The following HMCN1 variants were observed in gnomAD, a reference collection of about 807,000 sequenced individuals.
HMCN1 encodes the protein hemicentin 1.
HMCN1 carries 321 observed loss-of-function variants against 625.9 expected under a neutral mutation model. The ratio of observed to expected loss-of-function variants is 0.51; its 90% CI spans 0.47 to 0.56. The LOEUF is 0.56. Among genes scored for constraint, HMCN1 ranks in the 20% least tolerant of loss-of-function variants. The probability of loss-of-function intolerance (pLI) is 0.00; values close to 1 mark genes in which losing one functional copy is unlikely to be tolerated. For synonymous variants in HMCN1, 2,425 were observed against 2,417.6 expected (o/e 1.00, Z -0.09); for missense variants, 6,588 against 6,887.3 (o/e 0.96, Z 1.54).
chr1:185,974,844 A>G (rs1317487003), intron 15 of HMCN1, among the ~76,000 whole-genome samples: 1 of 152,142 alleles, frequency 6.6e-6, no homozygotes, highest in Non-Finnish European at 1.5e-5. Flanking sequence ...CTGCTTTACA[A>G]TGGATGACTT....
At chr1:185,875,514 G>A (rs78655010) in intron 4 of HMCN1, among the ~76,000 whole-genome samples, 3 of 152,112 alleles carry the variant, frequency 2.0e-5, no homozygotes, top group East Asian at 1.9e-4. Flanking sequence ...TTAAGTACAG[G>A]CCTTCTGTTC....
At chr1:185,949,590 C>T (rs1367115341) in intron 11 of HMCN1, among the ~76,000 whole-genome samples, 1 of 151,870 alleles carries the variant, frequency 6.6e-6, no homozygotes, top group African/African-American at 2.4e-5. Context: ...GCCTGAAAAA[C>T]TGCTTGGCTG....
At chr1:186,166,127 C>T (rs755631197) in intron 98 of HMCN1, 57 bp from the exon 99 acceptor site, 372 of 1,602,892 alleles carry the variant, frequency 2.3e-4, no homozygotes, top group African/African-American at 8.2e-4. Context: ...GCTTTAATAA[C>T]TCCCAGAAAG....
chr1:186,144,326 A>G lies in HMCN1; in HGVS notation c.14078A>G (p.Asn4693Ser), dbSNP rs566841466. ...DGAETQMQVC[N>S]ERNCPIHGKW... The stretch of plus-strand genomic sequence containing the variant: ...GCAGAAACACAGATGCAAGTTTGCA[A>G]TGAAAGAAATTGTCCAAGTAAGAGA... The change falls in exon 90 of 107, where the codon AAT (asparagine) becomes AGT (serine). Residue 4693 changes from asparagine (N) to serine (S), a missense_variant. Transcript: ENST00000271588. The G allele has an allele frequency of 2.8e-5, 45 of 1,613,686 alleles. No individual in the cohort carries two copies. In the South Asian group the frequency reaches 4.5e-4, roughly 16 times the overall value.
chr1:186,110,944 A>G (rs545886676), intron 71 of HMCN1, among the ~76,000 whole-genome samples: 36 of 147,506 alleles, frequency 2.4e-4, no homozygotes, highest in African/African-American at 8.5e-4. Flanking sequence ...GAAGAATTAT[A>G]GGTGGTCTAC....
chr1:185,975,743 T>C (rs1000711725), intron 15 of HMCN1, among the ~76,000 whole-genome samples: 3 of 152,196 alleles, frequency 2.0e-5, no homozygotes, highest in Non-Finnish European at 4.4e-5. Flanking sequence ...ATACACGATT[T>C]ATTTATAAAA....
intron 1 of HMCN1, among the ~76,000 whole-genome samples, chr1:185,799,836 C>T (rs552877033): frequency 7.9e-5 from 12 of 152,242 alleles, no homozygotes; most frequent in African/African-American, 2.9e-4. Context: ...CCTTTATTAA[C>T]CAGAAATACT....
At chr1:186,122,845 G>T (rs536361302) in intron 80 of HMCN1, 106 bp from the exon 81 acceptor site, 7 of 1,201,640 alleles carry the variant, frequency 5.8e-6, no homozygotes, top group Non-Finnish European at 7.2e-6. Context: ...GTGAAGTCAG[G>T]ATTTTGTTTC....
At chr1:185,978,821 C>T (rs1651410666) in intron 16 of HMCN1, among the ~76,000 whole-genome samples, 1 of 152,238 alleles carries the variant, frequency 6.6e-6, no homozygotes, top group African/African-American at 2.4e-5. Flanking sequence ...GCTGGGATTA[C>T]AGGTGTGAAC....
intron 35 of HMCN1, among the ~76,000 whole-genome samples, chr1:186,020,702 T>C (rs1354096326): frequency 2.0e-5 from 3 of 151,970 alleles, no homozygotes; most frequent in Non-Finnish European, 2.9e-5. Context: ...CTGATTAGAG[T>C]TCAGAAGACT....
chr1:186,104,225 T>A (rs898661759), intron 69 of HMCN1, among the ~76,000 whole-genome samples: 14 of 152,188 alleles, frequency 9.2e-5, no homozygotes, highest in African/African-American at 2.9e-4. Flanking sequence ...GCAAACCTTA[T>A]GTTACAATTA....
At chr1:186,032,553 C>T (rs1339482638) in intron 36 of HMCN1, among the ~76,000 whole-genome samples, 2 of 152,098 alleles carry the variant, frequency 1.3e-5, no homozygotes, top group African/African-American at 4.8e-5. Context: ...TTGCTCTGCA[C>T]TGCTCCTTGC....
intron 82 of HMCN1, among the ~76,000 whole-genome samples, chr1:186,126,185 A>T (rs1024171125): frequency 4.7e-4 from 72 of 152,140 alleles, no homozygotes; most frequent in Middle Eastern, 6.8e-3. Flanking sequence ...AAACTTTTTT[A>T]AAAAAAGGAA....
chr1:186,065,286 A>G lies in HMCN1; in HGVS notation c.7562A>G (p.Gln2521Arg), dbSNP rs770505068. The G allele has an allele frequency of 1.6e-5, 25 of 1,612,546 alleles. No homozygotes were observed. Among genetic ancestry groups the G allele is most frequent in the Non-Finnish European group, 1.9e-5 (23 of 1,179,828 alleles). ...TGGCACAAAGATGGGCAGCCCCTCC[A>G]AGAAGATGAAGCCCATCACATTATA... ...ITWHKDGQPL[Q>R]EDEAHHIISG... Residue 2521 changes from glutamine (Q) to arginine (R), a missense_variant, in exon 49 of 107, where the codon CAA (glutamine) becomes CGA (arginine). Physicochemically the swap from Gln to Arg is conservative, Grantham distance 43. Coordinates refer to ENST00000271588, the MANE Select transcript of HMCN1 (RefSeq NM_031935.3).
At chr1:185,799,407 C>T (rs757104621) in intron 1 of HMCN1, among the ~76,000 whole-genome samples, 29 of 152,286 alleles carry the variant, frequency 1.9e-4, no homozygotes, top group Non-Finnish European at 4.1e-4. Flanking sequence ...TTGGACTCCA[C>T]TCTCAGCCCC....
chr1:185,745,389 G>A (rs1654320240), intron 1 of HMCN1, among the ~76,000 whole-genome samples: 1 of 152,106 alleles, frequency 6.6e-6, no homozygotes, highest in African/African-American at 2.4e-5. Context: ...TTATAAATAT[G>A]TAATGATGTC....
At chr1:185,953,770 G>T (rs529482321) in intron 11 of HMCN1, among the ~76,000 whole-genome samples, 2 of 151,782 alleles carry the variant, frequency 1.3e-5, no homozygotes, top group Non-Finnish European at 2.9e-5. Context: ...AATTTCATGC[G>T]CATCCGTGTG....
At chr1:185,815,647 A>G (rs1313366358) in intron 1 of HMCN1, among the ~76,000 whole-genome samples, 1 of 150,078 alleles carries the variant, frequency 6.7e-6, no homozygotes, top group East Asian at 1.9e-4. Flanking sequence ...TATCAACACT[A>G]GCAGTTTTGG....
At chr1:186,126,482 G>A (rs1395299567) in intron 82 of HMCN1, among the ~76,000 whole-genome samples, 2 of 152,136 alleles carry the variant, frequency 1.3e-5, no homozygotes, top group African/African-American at 4.8e-5. Context: ...TGAAAAATAA[G>A]AGGGGAAAAG....
Sources: gnomAD v4.1 joint callset for allele counts (sites outside exome capture counted in the v4.1 genomes callset) on GRCh38, gnomAD v4.1.1 for gene constraint, MANE v1.5 for transcripts, NCBI Gene and HGNC (gene_info 2026-07-23, HGNC 2026-07-21) for gene names.